The following ZBTB1 variants were observed in gnomAD, a reference collection of about 807,000 sequenced individuals.
ZBTB1 encodes the protein zinc finger and BTB domain containing 1.
Under a neutral mutation model 51.6 loss-of-function variants are expected in ZBTB1, and 13 were observed. That is an observed-to-expected ratio of 0.25 (90% confidence interval 0.16 to 0.40). The LOEUF is 0.40. Among genes scored for constraint, ZBTB1 ranks in the 10% least tolerant of loss-of-function variants. The pLI is 1.00. For missense variants in ZBTB1, 567 were observed against 856.5 expected, an observed-to-expected ratio of 0.66 and a Z score of 4.22; for synonymous variants, 240 against 282.2, an observed-to-expected ratio of 0.85 and a Z score of 1.50.
Position 64,504,843 on chromosome 14 carries a change from C to T in ZBTB1, c.-122C>T. ...CCCGAGCGCCGAGCGCCGCGCGCCG[C>T]CGCCACTGCAGCTCGCGGCCCCTTC... is the stretch of plus-strand genomic sequence containing the variant. On this transcript the variant is annotated 5_prime_UTR_variant, in exon 1 of 2. Coordinates refer to ENST00000683701, the MANE Select transcript of ZBTB1 (RefSeq NM_001123329.2). 1 of 395,740 alleles carries T rather than the reference C, an allele frequency of 2.5e-6. No homozygotes were observed. Among genetic ancestry groups the T allele is most frequent in the Non-Finnish European group, 4.5e-6 (1 of 224,378 alleles). 24.5% of individuals were successfully genotyped at this position (395,740 alleles called of 1,614,324 possible).
chr14:64,527,337 G>A (rs141906665), downstream of ZBTB1, among the ~76,000 whole-genome samples: 6 of 151,806 alleles, frequency 4.0e-5, no homozygotes, highest in South Asian at 2.1e-4. Flanking sequence ...TAGGCCAGGC[G>A]CAGTGGCTCA....
chr14:64,519,776 T>G (rs1004836802), intron 1 of ZBTB1, among the ~76,000 whole-genome samples: 12 of 142,324 alleles, frequency 8.4e-5, no homozygotes, highest in African/African-American at 3.1e-4. Flanking sequence ...AGACCCTGCC[T>G]CAAAAAAAAA....
intron 1 of ZBTB1, 21 bp downstream of exon 1, chr14:64,504,967 G>C: frequency 2.5e-6 from 1 of 394,142 alleles, no homozygotes; most frequent in Non-Finnish European, 4.5e-6. Context: ...GCCAGTTGTG[G>C]GGCTATTTGC....
At chr14:64,510,911 CAG>C (rs1198250923) in intron 1 of ZBTB1, among the ~76,000 whole-genome samples, 2 of 152,152 alleles carry the variant, frequency 1.3e-5, no homozygotes, top group Non-Finnish European at 2.9e-5. Flanking sequence ...GGAGTGATAA[CAG>C]AGGCCTTGCA....
Position 64,523,657 on chromosome 14 carries a change from AC to A in ZBTB1, c.*12del. The stretch of plus-strand genomic sequence containing the variant: ...TTGAAAAGAACCTGAGTGATTTTCT[AC>A]TGTACTAATGTTTAGATGATAGCAG... On this transcript the variant is annotated 3_prime_UTR_variant, in exon 2 of 2. Coordinates refer to ENST00000683701, the MANE Select transcript of ZBTB1 (RefSeq NM_001123329.2). The surrounding 1 kb of genome is among the most constrained non-coding windows in gnomAD (Gnocchi z 4.5). 1 of 1,542,814 alleles carries A rather than the reference AC, an allele frequency of 6.5e-7. No individual in the cohort carries two copies. Among genetic ancestry groups the A allele is most frequent in the South Asian group, 1.2e-5 (1 of 82,950 alleles).
chr14:64,530,595 C>T (rs929264416), intron 2 of ZBTB1, among the ~76,000 whole-genome samples: 2 of 149,226 alleles, frequency 1.3e-5, no homozygotes, highest in Non-Finnish European at 3.0e-5. Flanking sequence ...AGACAGACTC[C>T]GTCTCAAAAA....
upstream of ZBTB1, chr14:64,503,750 G>A: frequency 3.1e-6 from 1 of 319,346 alleles, no homozygotes; most frequent in Non-Finnish European, 4.5e-6. Flanking sequence ...GCCGGCTCAC[G>A]CACCCCTCGG....
intron 2 of ZBTB1, among the ~76,000 whole-genome samples, chr14:64,531,148 C>A (rs2079939466): frequency 6.6e-6 from 1 of 152,152 alleles, no homozygotes; most frequent in South Asian, 2.1e-4. Context: ...TCATATCAAA[C>A]ACAATCAGGA....
At chr14:64,515,951 G>T (rs2079780258) in intron 1 of ZBTB1, among the ~76,000 whole-genome samples, 1 of 152,038 alleles carries the variant, frequency 6.6e-6, no homozygotes, top group South Asian at 2.1e-4. Context: ...AGCTTTTCTG[G>T]GCTAGGCACA....
chr14:64,517,704 A>T (rs2079801273), intron 1 of ZBTB1, among the ~76,000 whole-genome samples: 1 of 129,368 alleles, frequency 7.7e-6, no homozygotes, highest in Admixed American at 8.1e-5. Context: ...GTGTTTATTT[A>T]TTTGGCTCTC....
chr14:64,511,279 G>C (rs2079721342), intron 1 of ZBTB1: 3 of 152,230 alleles, frequency 2.0e-5, no homozygotes, highest in Admixed American at 2.0e-4. Context: ...ATGCTGTGCT[G>C]TCTCGTTAGG....
chr14:64,533,150 A>T (rs1291044550), exon 3 of ZBTB1: 1 of 152,158 alleles, frequency 6.6e-6, no homozygotes, highest in African/African-American at 2.4e-5. Flanking sequence ...ATTCATTCTA[A>T]TAATTAGACT....
Position 64,524,491 on chromosome 14 carries a change from TA to T in ZBTB1, c.*846del. 1.1e-6 allele frequency: 1 copy of T among 911,490 alleles called. No homozygotes were observed. Among genetic ancestry groups the T allele is most frequent in the Non-Finnish European group, 1.3e-6 (1 of 762,742 alleles). 56.5% of individuals were successfully genotyped at this position (911,490 alleles called of 1,614,324 possible). ...TTCTAAAGTGTGTTAGCTTATCAAT[TA>T]TTTTTGTTTATAAATAGACTTTAAT... On this transcript the variant is annotated 3_prime_UTR_variant, in exon 2 of 2. Transcript: ENST00000683701.
chr14:64,524,698 ACTGT>A lies in ZBTB1; in HGVS notation c.*1055_*1058del, dbSNP rs976498221. On this transcript the variant is annotated 3_prime_UTR_variant, in exon 2 of 2. Coordinates refer to ENST00000683701, the MANE Select transcript of ZBTB1 (RefSeq NM_001123329.2). ...CACAAAAAAATGTCTTGTGTTTTAT[ACTGT>A]CTAAGATTTGGAGGAAATGTGGCAA... The A allele has an allele frequency of 1.0e-5, 10 of 984,994 alleles. No individual in the cohort carries two copies. Among genetic ancestry groups the A allele is most frequent in the South Asian group, 4.7e-5 (1 of 21,290 alleles). The allele number at this position is 984,994 out of a possible 1,614,324, so 61.0% of individuals were successfully genotyped here. A position where few individuals can be genotyped will look rare whatever the true frequency, so the allele number is the denominator to read the frequency against.
chr14:64,504,594 A>C (rs2079607127), upstream of ZBTB1: 3 of 255,356 alleles, frequency 1.2e-5, no homozygotes, highest in African/African-American at 2.2e-5. Context: ...TGTTGCAACA[A>C]ACAGGCGACC....
chr14:64,516,203 A>G (rs751117423), intron 1 of ZBTB1, among the ~76,000 whole-genome samples: 28 of 152,290 alleles, frequency 1.8e-4, no homozygotes, highest in Non-Finnish European at 3.8e-4. Flanking sequence ...TATTGAGGAC[A>G]TTCTGAGCTA....
At chr14:64,513,219 CAT>C (rs1302784258) in intron 1 of ZBTB1, among the ~76,000 whole-genome samples, 4 of 151,708 alleles carry the variant, frequency 2.6e-5, no homozygotes, top group East Asian at 1.9e-4. Context: ...ATATCTCACA[CAT>C]ATATATTGCA....
chr14:64,521,054 G>C (rs1447139342), intron 1 of ZBTB1, among the ~76,000 whole-genome samples: 2 of 152,020 alleles, frequency 1.3e-5, no homozygotes, highest in Non-Finnish European at 2.9e-5. Context: ...GTAGAGAAGA[G>C]GTCTCACACT....
intron 2 of ZBTB1, among the ~76,000 whole-genome samples, chr14:64,531,268 T>TTATG (rs761641546): frequency 1.9e-4 from 29 of 152,264 alleles, no homozygotes; most frequent in African/African-American, 5.3e-4. Context: ...AAGGATCTTA[T>TTATG]TATGAGGGAA....
Sources: gnomAD v4.1 joint callset for allele counts (sites outside exome capture counted in the v4.1 genomes callset) on GRCh38, gnomAD v4.1.1 for gene constraint, Gnocchi (gnomAD v3.1) non-coding constraint, MANE v1.5 for transcripts, NCBI Gene and HGNC (gene_info 2026-07-23, HGNC 2026-07-21) for gene names.